The following ZDHHC21 variants were observed in gnomAD, a reference collection of about 807,000 sequenced individuals.
ZDHHC21 encodes palmitoyltransferase ZDHHC21.
Under a neutral mutation model 34.6 loss-of-function variants are expected in ZDHHC21, and 15 were observed. The observed-to-expected ratio is 0.43, with a 90% CI of 0.29 to 0.67. The LOEUF (loss-of-function observed/expected upper bound fraction) is 0.67, where lower values mean the gene tolerates loss of function less well. Ranked by LOEUF, ZDHHC21 falls within the 30% of genes least tolerant of loss-of-function variation. The pLI is 0.14. For synonymous variants in ZDHHC21, 142 were observed against 101.8 expected (o/e 1.40, Z -2.38); for missense variants, 344 against 327.7 (o/e 1.05, Z -0.38).
intron 2 of ZDHHC21, among the ~76,000 whole-genome samples, chr9:14,690,013 G>A (rs996159048): frequency 6.6e-6 from 1 of 152,188 alleles, no homozygotes; most frequent in Non-Finnish European, 1.5e-5. Context: ...AGTGGGAAAA[G>A]GGACTGAAAA....
At chr9:14,595,971 C>A in the ZDHHC21 span, among the ~76,000 whole-genome samples, 1 of 152,166 alleles carries the variant, frequency 6.6e-6, no homozygotes, top group African/African-American at 2.4e-5. Flanking sequence ...TCATACATTG[C>A]TGGTGGGAGT....
At chr9:14,607,465 C>A (rs1222500756), downstream of ZDHHC21, among the ~76,000 whole-genome samples, 1 of 151,856 alleles carries the variant, frequency 6.6e-6, no homozygotes, top group East Asian at 1.9e-4. Flanking sequence ...ATAGGAATAT[C>A]ATATATAACA....
intron 7 of ZDHHC21, among the ~76,000 whole-genome samples, chr9:14,648,026 T>A (rs988279511): frequency 6.6e-6 from 1 of 152,032 alleles, no homozygotes; most frequent in Admixed American, 6.6e-5. Flanking sequence ...ATCTTTAACT[T>A]CTTCCCAGAA....
intron 6 of ZDHHC21, 124 bp from the exon 7 acceptor site, chr9:14,659,011 G>A: frequency 1.1e-6 from 1 of 920,906 alleles, no homozygotes; most frequent in East Asian, 2.6e-5. Context: ...ATATGCTATG[G>A]CCACTTGAAG....
chr9:14,661,649 G>C (rs1383667187), intron 6 of ZDHHC21, among the ~76,000 whole-genome samples: 1 of 152,100 alleles, frequency 6.6e-6, no homozygotes, highest in Non-Finnish European at 1.5e-5. Context: ...AATATTACAA[G>C]AGAGCCCCCT....
the ZDHHC21 span, among the ~76,000 whole-genome samples, chr9:14,602,815 C>T: frequency 2.0e-5 from 3 of 151,004 alleles, no homozygotes; most frequent in South Asian, 2.1e-4. Flanking sequence ...CCCAGCCACT[C>T]GGGAGGCTGA....
At chr9:14,598,355 C>G in the ZDHHC21 span, among the ~76,000 whole-genome samples, 1 of 152,152 alleles carries the variant, frequency 6.6e-6, no homozygotes, top group African/African-American at 2.4e-5. Context: ...TGATTACACC[C>G]ATAGAAATAA....
intron 4 of ZDHHC21, 58 bp from the exon 5 acceptor site, chr9:14,672,986 C>A (rs1835753473): frequency 9.0e-7 from 1 of 1,105,634 alleles, no homozygotes; most frequent in Admixed American, 2.4e-5. Flanking sequence ...ATTTTATCAA[C>A]AATCATATTT....
rs1056669446 is a variant in ZDHHC21 at position 14,674,116 on chromosome 9, G to A, written c.154+71C>T. On this transcript the variant is annotated intron_variant, in intron 4 of 9. Transcript: ENST00000380916. ...ATATTAAAAGGAAAGTTATCATAGT[G>A]GCACTACACCCCAAAAACGTTTACA... 4.1e-6 allele frequency: 4 copies of A among 977,718 alleles called. No homozygotes were observed. In the African/African-American group the frequency reaches 5.2e-5, roughly 13 times the overall value. 60.6% of individuals were successfully genotyped at this position (977,718 alleles called of 1,614,324 possible).
At chr9:14,655,752 A>C (rs1284843683) in intron 7 of ZDHHC21, among the ~76,000 whole-genome samples, 1 of 151,868 alleles carries the variant, frequency 6.6e-6, no homozygotes, top group Non-Finnish European at 1.5e-5. Flanking sequence ...AGGAAAGAAA[A>C]GGAGAAAAAT....
chr9:14,644,726 T>A (rs1021031814), intron 7 of ZDHHC21, among the ~76,000 whole-genome samples: 2 of 152,028 alleles, frequency 1.3e-5, no homozygotes, highest in African/African-American at 4.8e-5. Context: ...ATTCCTAGGA[T>A]AAACTCAATT....
intron 5 of ZDHHC21, among the ~76,000 whole-genome samples, chr9:14,665,296 G>C (rs552220606): frequency 2.5e-3 from 338 of 135,236 alleles, no homozygotes; most frequent in Admixed American, 4.1e-3. Context: ...GAAGTTTAGA[G>C]AAAAAAGAAT....
chr9:14,603,225 GA>G, the ZDHHC21 span, among the ~76,000 whole-genome samples: 1 of 151,924 alleles, frequency 6.6e-6, no homozygotes. Context: ...TTTAAAAATG[GA>G]AGACAGAAAA....
intron 8 of ZDHHC21, among the ~76,000 whole-genome samples, chr9:14,623,568 G>C (rs2133473906): frequency 6.7e-6 from 1 of 148,280 alleles, no homozygotes; most frequent in East Asian, 2.0e-4. Flanking sequence ...CCTAAAGAAT[G>C]GAAGAAAATC....
intron 8 of ZDHHC21, among the ~76,000 whole-genome samples, chr9:14,627,478 A>G (rs1389782794): frequency 6.6e-6 from 1 of 152,138 alleles, no homozygotes; most frequent in Admixed American, 6.6e-5. Flanking sequence ...AAATGCAAAA[A>G]TCACTATTTT....
At chr9:14,664,049 C>A (rs952111062) in intron 5 of ZDHHC21, among the ~76,000 whole-genome samples, 2 of 152,152 alleles carry the variant, frequency 1.3e-5, no homozygotes, top group Non-Finnish European at 2.9e-5. Context: ...CAGCTCCCAG[C>A]GTGAGCGACG....
In ZDHHC21 at chr9:14,611,198, G is replaced by GA. The variant is rs1377760447; in HGVS notation, c.*7767dup. 2 of 151,828 alleles carry GA rather than the reference G, an allele frequency of 1.3e-5. No homozygotes were observed. The highest frequency in any genetic ancestry group is 2.9e-5 in the Non-Finnish European group (2 of 67,862). 9.4% of individuals were successfully genotyped at this position (151,828 alleles called of 1,614,324 possible). On this transcript the variant is annotated 3_prime_UTR_variant, in exon 10 of 10. Coordinates refer to ENST00000380916, the MANE Select transcript of ZDHHC21 (RefSeq NM_178566.6). ...TGCAAAGAAAATAGAAATATTACGT[G>GA]AAAAAAACTAAATCGCTACAATAAA...
chr9:14,647,728 G>A (rs1830512095), intron 7 of ZDHHC21, among the ~76,000 whole-genome samples: 1 of 152,044 alleles, frequency 6.6e-6, no homozygotes, highest in African/African-American at 2.4e-5. Flanking sequence ...GTGTTTCACT[G>A]GCTGCAGTCT....
In ZDHHC21 at chr9:14,674,252, A is replaced by G. The variant is rs1390316295; in HGVS notation, c.89T>C (p.Leu30Ser). ...AGGAAAGAGGACAATTTTGGGAATT[A>G]AAACAATATTGTATAACCAAACAAA... ...IVFVWLYNIVLIPKIVLFPHY... is the reference protein window; with the variant it reads ...IVFVWLYNIVSIPKIVLFPHY... Residue 30 changes from leucine to serine, a missense_variant, in exon 4 of 10, where the codon TTA (leucine) becomes TCA (serine). Leu to Ser is a moderately radical substitution (Grantham distance 145). Coordinates refer to ENST00000380916, the MANE Select transcript of ZDHHC21 (RefSeq NM_178566.6). 6.3e-7 allele frequency: 1 copy of G among 1,595,046 alleles called. No homozygotes were observed.
Sources: gnomAD v4.1 joint callset for allele counts (sites outside exome capture counted in the v4.1 genomes callset) on GRCh38, gnomAD v4.1.1 for gene constraint, MANE v1.5 for transcripts, NCBI Gene and HGNC (gene_info 2026-07-23, HGNC 2026-07-21) for gene names.